CCND3: variants seen among roughly 807,000 people sequenced by gnomAD.
The protein encoded by CCND3 is G1/S-specific cyclin-D3.
In CCND3, 9 loss-of-function variants were observed where a neutral mutation model predicts 28.7. The observed-to-expected ratio is 0.31, with a 90% CI of 0.19 to 0.55. The LOEUF (loss-of-function observed/expected upper bound fraction) is 0.55, where lower values mean the gene tolerates loss of function less well. Among genes scored for constraint, CCND3 ranks in the 20% least tolerant of loss-of-function variants. The pLI, the probability that CCND3 is intolerant of heterozygous loss-of-function variation, is 0.93. For missense variants in CCND3, 315 were observed against 385.8 expected (o/e 0.82, Z 1.54); for synonymous variants, 164 against 163.9 (o/e 1.00, Z 0.00).
At chr6:42,039,190 C>T (rs536167040) in intron 1 of CCND3, among the ~76,000 whole-genome samples, 28 of 152,308 alleles carry the variant, frequency 1.8e-4, no homozygotes, top group Admixed American at 2.6e-4. Flanking sequence ...ATCATGTATC[C>T]TGTGTTTTAT....
rs373981901 is a variant in CCND3 at position 41,937,335 on chromosome 6, A to C, written c.474T>G (p.His158Gln). 5.8e-5 allele frequency: 94 copies of C among 1,614,076 alleles called. No homozygotes were observed. The highest frequency in any genetic ancestry group is 7.8e-5 in the Non-Finnish European group (92 of 1,180,032). ...LKWDLAAVIAHDFLAFILHRL... is the reference protein window; with the variant it reads ...LKWDLAAVIAQDFLAFILHRL... Reference sequence around the variant, plus strand: ...GGTGCAGAATGAAGGCCAGGAAATCATGTGCAATCACAGCAGCCAGGTCCC... The same window carrying C: ...GGTGCAGAATGAAGGCCAGGAAATCCTGTGCAATCACAGCAGCCAGGTCCC... The change falls in exon 3 of 5, where the codon CAT (histidine) becomes CAG (glutamine). Residue 158 changes from histidine (H) to glutamine (Q), a missense_variant. Transcript: ENST00000372991.
chr6:41,956,971 C>T (rs551899924), intron 1 of CCND3, among the ~76,000 whole-genome samples: 1 of 152,192 alleles, frequency 6.6e-6, no homozygotes, highest in Non-Finnish European at 1.5e-5. Context: ...GCGGAACTTG[C>T]AGTGAGCCAA....
intron 1 of CCND3, among the ~76,000 whole-genome samples, chr6:42,028,164 C>T (rs1582179706): frequency 6.6e-6 from 1 of 152,200 alleles, no homozygotes; most frequent in South Asian, 2.1e-4. Context: ...ATCGTGGCTG[C>T]TCTTACTATG....
Position 41,935,943 on chromosome 6 carries a change from C to T in CCND3, c.876G>A (p.Leu292=), listed in dbSNP as rs565123925. The T allele has an allele frequency of 8.7e-6, 14 of 1,609,538 alleles. No individual in the cohort carries two copies. In the South Asian group the frequency reaches 1.3e-4, roughly 15 times the overall value. Residue 292 remains leucine, a synonymous_variant, in exon 5 of 5, where the codon CTG becomes CTA. Coordinates refer to ENST00000372991, the MANE Select transcript of CCND3 (RefSeq NM_001760.5). ...STPTDVTAIH[L] ...ACTCCAGAGGGCCTCTCCAGGGCTA[C>T]AGGTGTATGGCTGTGACATCTGTAG...
At chr6:42,014,700 A>G (rs1003138304) in intron 1 of CCND3, among the ~76,000 whole-genome samples, 2 of 152,032 alleles carry the variant, frequency 1.3e-5, no homozygotes, top group African/African-American at 4.8e-5. Flanking sequence ...AGGTTGGGGG[A>G]TGGCCTGAGC....
chr6:42,008,432 G>A (rs1374926095), intron 1 of CCND3, among the ~76,000 whole-genome samples: 1 of 152,318 alleles, frequency 6.6e-6, no homozygotes, highest in East Asian at 1.9e-4. Context: ...AGTCCAGAGT[G>A]TGTATGTATA....
rs555630460 is a variant in CCND3 at position 42,005,720 on chromosome 6, G to A, written c.-46+42781C>T. On this transcript the variant is annotated intron_variant, in intron 1 of 4. Transcript: ENST00000372988. ...TTTTTTTGAGATAAGAGTTTTGCTC[G>A]TTGCCCAGGCTGGAGTGCAAAGGCG... 3.3e-5 allele frequency among the ~76,000 whole-genome samples: 5 copies of A among 151,796 alleles called. No individual in the cohort carries two copies. In the East Asian group the frequency reaches 5.8e-4, roughly 18 times the overall value.
chr6:41,972,227 C>CAA (rs56250051), intron 1 of CCND3, among the ~76,000 whole-genome samples: 4 of 113,040 alleles, frequency 3.5e-5, no homozygotes, highest in African/African-American at 1.3e-4. Context: ...GACTCCATCT[C>CAA]AAAAAAAAAA....
intron 1 of CCND3, among the ~76,000 whole-genome samples, chr6:41,999,402 C>T (rs1176290297): frequency 1.3e-5 from 2 of 152,070 alleles, no homozygotes; most frequent in Non-Finnish European, 2.9e-5. Flanking sequence ...GCACCCACCA[C>T]CATGCCCGGC....
chr6:42,023,212 C>G (rs1233458369), intron 1 of CCND3, among the ~76,000 whole-genome samples: 1 of 152,206 alleles, frequency 6.6e-6, no homozygotes, highest in Non-Finnish European at 1.5e-5. Flanking sequence ...TTGTCACAGT[C>G]TACTTAGTGC....
intron 1 of CCND3, among the ~76,000 whole-genome samples, chr6:41,970,926 T>A (rs12204399): frequency 1.4e-5 from 2 of 144,510 alleles, no homozygotes; most frequent in African/African-American, 5.0e-5. Context: ...CTTTTTTTTT[T>A]CCCCCCCTTG....
chr6:42,043,654 C>T (rs185808519), intron 1 of CCND3, among the ~76,000 whole-genome samples: 423 of 151,556 alleles, frequency 2.8e-3, no homozygotes, highest in African/African-American at 9.2e-3. Flanking sequence ...GCCGAGATCA[C>T]GCCACTGCAC....
At chr6:41,963,888 T>C (rs1378221926) in intron 1 of CCND3, among the ~76,000 whole-genome samples, 1 of 152,142 alleles carries the variant, frequency 6.6e-6, no homozygotes, top group African/African-American at 2.4e-5. Flanking sequence ...TTTCCTCACT[T>C]CCCTCAGTCT....
intron 1 of CCND3, among the ~76,000 whole-genome samples, chr6:41,951,722 C>T (rs1181934834): frequency 6.6e-6 from 1 of 151,826 alleles, no homozygotes; most frequent in Non-Finnish European, 1.5e-5. Context: ...AGTAATAATA[C>T]TATTAGGTAG....
At chr6:41,958,000 C>CTT (rs536258560) in intron 1 of CCND3, among the ~76,000 whole-genome samples, 23,804 of 126,546 alleles carry the variant, frequency 0.19, 3,015 homozygotes, top group South Asian at 0.39. Context: ...TTATCTTTAT[C>CTT]TTTTTTTTTT....
chr6:41,938,144 A>G lies in CCND3; in HGVS notation c.415-750T>C, dbSNP rs1032651342. On this transcript the variant is annotated intron_variant, in intron 2 of 4. Coordinates refer to ENST00000372991, the MANE Select transcript of CCND3 (RefSeq NM_001760.5). This position sits in a 1 kb window ranked among gnomAD's most constrained non-coding sequence, Gnocchi z 4.6. ...AATGATTCCAGAGGGATCAAGCCCT[A>G]TCCTCACCTACCCAAGCCTACCTGC... is the stretch of plus-strand genomic sequence containing the variant. The G allele has an allele frequency of 6.6e-6, 1 of 152,122 alleles. No individual in the cohort carries two copies. Among genetic ancestry groups the G allele is most frequent in the Admixed American group, 6.6e-5 (1 of 15,262 alleles). 9.4% of individuals were successfully genotyped at this position (152,122 alleles called of 1,614,324 possible).
At chr6:41,962,143 C>G (rs1176354855) in intron 1 of CCND3, among the ~76,000 whole-genome samples, 1 of 152,162 alleles carries the variant, frequency 6.6e-6, no homozygotes, top group Non-Finnish European at 1.5e-5. Flanking sequence ...TCTTGTCGCC[C>G]AGGCTGGAGT....
In CCND3 at chr6:41,939,851, C is replaced by G. The variant is rs990865355; in HGVS notation, c.414+519G>C. Among the ~76,000 whole-genome samples, 6 of 152,256 alleles carry G rather than the reference C, an allele frequency of 3.9e-5. No individual in the cohort carries two copies. Among genetic ancestry groups the G allele is most frequent in the African/African-American group, 1.2e-4 (5 of 41,544 alleles). ...AAGAAGGTGGGATGAAATACATCAG[C>G]CCTTCCTTAAAGCAATCAGGGCCTG... On this transcript the variant is annotated intron_variant, in intron 2 of 4. Coordinates refer to ENST00000372991, the MANE Select transcript of CCND3 (RefSeq NM_001760.5). This position sits in a 1 kb window ranked among gnomAD's most constrained non-coding sequence, Gnocchi z 4.2.
chr6:42,048,350 A>G lies in CCND3; in HGVS notation c.-46+151T>C, dbSNP rs762670918. On this transcript the variant is annotated intron_variant, in intron 1 of 4. Coordinates refer to the CCND3 transcript ENST00000372988. This position sits in a 1 kb window ranked among gnomAD's most constrained non-coding sequence, Gnocchi z 4.7. ...CAATTCCGTGCAGAACACCTCACTCAGTGGGAAAGTGAGCCAAGCTTTCGG... is the reference window on the plus strand; with the variant it reads ...CAATTCCGTGCAGAACACCTCACTCGGTGGGAAAGTGAGCCAAGCTTTCGG... 2.9e-6 allele frequency: 1 copy of G among 340,972 alleles called. No individual in the cohort carries two copies. 21.1% of individuals were successfully genotyped at this position (340,972 alleles called of 1,614,324 possible).
Sources: allele counts gnomAD v4.1 joint callset (sites outside exome capture counted in the v4.1 genomes callset), GRCh38; gene constraint gnomAD v4.1.1; non-coding constraint Gnocchi (gnomAD v3.1); transcripts MANE v1.5; gene names NCBI Gene and HGNC (gene_info 2026-07-23, HGNC 2026-07-21).